Variants in TGFBR2 observed in about 807,000 individuals in gnomAD.
TGFBR2 encodes the protein TGF-beta receptor type-2.
Under a neutral mutation model 49.0 loss-of-function variants are expected in TGFBR2, and 18 were observed. The observed-to-expected ratio is 0.37, with a 90% CI of 0.25 to 0.54. The LOEUF (loss-of-function observed/expected upper bound fraction) is 0.54, where lower values mean the gene tolerates loss of function less well. TGFBR2 is among the 20% of genes least tolerant of loss of function. The pLI, the probability that TGFBR2 is intolerant of heterozygous loss-of-function variation, is 0.85. For missense variants in TGFBR2, 525 were observed against 722.6 expected (o/e 0.73, Z 3.13); for synonymous variants, 282 against 275.9 (o/e 1.02, Z -0.22).
intron 1 of TGFBR2, among the ~76,000 whole-genome samples, chr3:30,619,291 G>T (rs545028680): frequency 3.3e-5 from 5 of 152,246 alleles, no homozygotes; most frequent in African/African-American, 1.2e-4. Context: ...CACCTAATTG[G>T]TCTCTGCTTA....
chr3:30,652,242 T>TG (rs1284299864), intron 3 of TGFBR2, among the ~76,000 whole-genome samples: 8 of 145,132 alleles, frequency 5.5e-5, no homozygotes, highest in African/African-American at 1.0e-4. Context: ...GTTTTTTTTT[T>TG]TTTTTTTTTT....
Position 30,685,429 on chromosome 3 carries a change from T to G in TGFBR2, c.1397-2955T>G, listed in dbSNP as rs561344383. Among the ~76,000 whole-genome samples, 4 of 152,320 alleles carry G rather than the reference T, an allele frequency of 2.6e-5. No homozygotes were observed. In the East Asian group the frequency reaches 7.7e-4, roughly 29 times the overall value. ...CTTGGCGGCTGTGTTGGGCCAGCTT[T>G]ACTAGAAGTGGAGTCTGACACACTT... On this transcript the variant is annotated intron_variant, in intron 5 of 6. Transcript: ENST00000295754.
chr3:30,613,985 G>A (rs1367708827), intron 1 of TGFBR2, among the ~76,000 whole-genome samples: 1 of 152,088 alleles, frequency 6.6e-6, no homozygotes, highest in African/African-American at 2.4e-5. Flanking sequence ...CCCTGGAATA[G>A]ACAACATTGA....
chr3:30,661,268 C>T (rs772775945), intron 3 of TGFBR2, among the ~76,000 whole-genome samples: 4 of 150,872 alleles, frequency 2.7e-5, no homozygotes, highest in Non-Finnish European at 5.9e-5. Context: ...AAATCTTGTT[C>T]CAAAGAACAT....
chr3:30,627,724 C>G (rs1303433397), intron 1 of TGFBR2, among the ~76,000 whole-genome samples: 1 of 151,824 alleles, frequency 6.6e-6, no homozygotes, highest in Non-Finnish European at 1.5e-5. Context: ...AACAGTGGGT[C>G]TGAGACCATC....
intron 1 of TGFBR2, among the ~76,000 whole-genome samples, chr3:30,640,665 AT>A (rs948436122): frequency 4.0e-5 from 6 of 150,742 alleles, no homozygotes; most frequent in Non-Finnish European, 7.4e-5. Context: ...TTTTAAAAAA[AT>A]ATTTTGCATC....
In TGFBR2 at chr3:30,676,780, C is replaced by T. The variant is rs905322537; in HGVS notation, c.1396+2534C>T. On this transcript the variant is annotated intron_variant, in intron 5 of 6. Coordinates refer to ENST00000295754, the MANE Select transcript of TGFBR2 (RefSeq NM_003242.6). The surrounding 1 kb of genome is among the most constrained non-coding windows in gnomAD (Gnocchi z 4.3). ...ACCTCACATGTTTTCCTGAGACCCC[C>T]GCATGGGGATGGCACTTCCTATCTA... is the stretch of plus-strand genomic sequence containing the variant. 6.6e-6 allele frequency among the ~76,000 whole-genome samples: 1 copy of T among 152,184 alleles called. No individual in the cohort carries two copies. Among genetic ancestry groups the T allele is most frequent in the Non-Finnish European group, 1.5e-5 (1 of 68,036 alleles).
chr3:30,690,267 C>T (rs1339426992), intron 6 of TGFBR2, among the ~76,000 whole-genome samples: 1 of 152,110 alleles, frequency 6.6e-6, no homozygotes, highest in African/African-American at 2.4e-5. Flanking sequence ...TGCTTTATTT[C>T]CAAAAAGGAT....
chr3:30,682,900 G>T (rs905482145), intron 5 of TGFBR2, among the ~76,000 whole-genome samples: 5 of 152,192 alleles, frequency 3.3e-5, no homozygotes, highest in African/African-American at 1.2e-4. Flanking sequence ...TTTGGGAAGG[G>T]CATGTTCATA....
chr3:30,664,097 C>T (rs1253131349), intron 3 of TGFBR2, among the ~76,000 whole-genome samples: 1 of 151,832 alleles, frequency 6.6e-6, no homozygotes, highest in Non-Finnish European at 1.5e-5. Context: ...ATCCTCCTGC[C>T]TCAGCCTTTT....
rs749574831 is a variant in TGFBR2, at chr3:30,672,005, G to A, written c.822G>A (p.Val274=). 1 of 1,614,196 alleles carries A rather than the reference G, an allele frequency of 6.2e-7. No individual in the cohort carries two copies. The highest frequency in any genetic ancestry group is 8.5e-7 in the Non-Finnish European group (1 of 1,180,028). ...KQNTSEQFET[V]AVKIFPYEEY... ...ACACTTCAGAGCAGTTTGAGACAGT[G>A]GCAGTCAAGATCTTTCCCTATGAGG... The change falls in exon 4 of 7, where the codon GTG becomes GTA. Residue 274 remains valine (V), a synonymous_variant. Transcript: ENST00000295754. This position sits in a 1 kb window ranked among gnomAD's most constrained non-coding sequence, Gnocchi z 4.5.
intron 1 of TGFBR2, among the ~76,000 whole-genome samples, chr3:30,611,767 C>T (rs531598333): frequency 5.9e-4 from 89 of 152,100 alleles, no homozygotes; most frequent in African/African-American, 2.0e-3. Context: ...TCTAGAGTAG[C>T]GTGGATATTA....
chr3:30,656,599 G>C (rs185275760), intron 3 of TGFBR2, among the ~76,000 whole-genome samples: 60 of 152,256 alleles, frequency 3.9e-4, no homozygotes, highest in African/African-American at 1.4e-3. Flanking sequence ...GCTGAAGGTG[G>C]GTACGTGGAA....
rs753256089 is a variant in TGFBR2, at chr3:30,671,819, C to T, written c.636C>T (p.Phe212=). Reference sequence around the variant, plus strand: ...GCAAGACGCGGAAGCTCATGGAGTTCAGCGAGCACTGTGCCATCATCCTGG... The same window carrying T: ...GCAAGACGCGGAAGCTCATGGAGTTTAGCGAGCACTGTGCCATCATCCTGG... The part of the protein sequence containing the change: ...ETGKTRKLME[F]SEHCAIILED... The change falls in exon 4 of 7, where the codon TTC becomes TTT. Residue 212 remains phenylalanine, a synonymous_variant. Transcript: ENST00000295754. 2.5e-6 allele frequency: 4 copies of T among 1,614,208 alleles called. No individual in the cohort carries two copies. The highest frequency in any genetic ancestry group is 3.3e-5 in the Admixed American group (2 of 60,030).
chr3:30,666,623 G>T (rs114342639), intron 3 of TGFBR2, among the ~76,000 whole-genome samples: 21,123 of 75,340 alleles, frequency 0.28, 2,038 homozygotes, highest in Admixed American at 0.31. Context: ...CCCCTCCCCC[G>T]CAACCCCTAC....
In TGFBR2 at chr3:30,667,331, G is replaced by A. The variant is rs181435876; in HGVS notation, c.455-4307G>A. Among the ~76,000 whole-genome samples, 6 of 152,300 alleles carry A rather than the reference G, an allele frequency of 3.9e-5. No individual in the cohort carries two copies. In the East Asian group the frequency reaches 1.2e-3, roughly 29 times the overall value. ...GCTTGTACCTACACCAACAGCTGTT[G>A]GGTTTTCTAGTAGCAACCCAAGGGT... is the stretch of plus-strand genomic sequence containing the variant. On this transcript the variant is annotated intron_variant, in intron 3 of 6. Transcript: ENST00000295754.
At chr3:30,635,370 G>T (rs1248286045) in intron 1 of TGFBR2, among the ~76,000 whole-genome samples, 3 of 152,140 alleles carry the variant, frequency 2.0e-5, no homozygotes, top group Non-Finnish European at 1.5e-5. Context: ...AAAAATAAAT[G>T]AAAATTCAGC....
At chr3:30,618,591 G>A (rs1373950240) in intron 1 of TGFBR2, among the ~76,000 whole-genome samples, 2 of 152,118 alleles carry the variant, frequency 1.3e-5, no homozygotes, top group African/African-American at 4.8e-5. Context: ...ACCTCATTAG[G>A]CATTTACTCA....
rs1305653433 is a variant in TGFBR2, at chr3:30,644,777, A to G, written c.125A>G (p.Asn42Ser). The change falls in exon 2 of 7, where the codon AAC (asparagine) becomes AGC (serine). Residue 42 changes from asparagine (N) to serine (S), a missense_variant. Physicochemically the swap from Asn to Ser is conservative, Grantham distance 46. This residue lies in a region of TGFBR2 where 376 missense variants were observed against 478.2 expected (regional missense o/e 0.79). Coordinates refer to ENST00000295754, the MANE Select transcript of TGFBR2 (RefSeq NM_003242.6). ...VNNDMIVTDN[N>S]GAVKFPQLCK... Reference sequence around the variant, plus strand: ...AACGACATGATAGTCACTGACAACAACGGTGCAGTCAAGTTTCCACAACTG... The same window carrying G: ...AACGACATGATAGTCACTGACAACAGCGGTGCAGTCAAGTTTCCACAACTG... 8.1e-6 allele frequency: 13 copies of G among 1,614,022 alleles called. No homozygotes were observed. In the Admixed American group the frequency reaches 2.0e-4, roughly 25 times the overall value.
Sources: allele counts gnomAD v4.1 joint callset (sites outside exome capture counted in the v4.1 genomes callset), GRCh38; gene constraint gnomAD v4.1.1; regional missense constraint gnomAD v4.1.1; non-coding constraint Gnocchi (gnomAD v3.1); transcripts MANE v1.5; gene names NCBI Gene and HGNC (gene_info 2026-07-23, HGNC 2026-07-21).